ZC3H12B: variants seen among roughly 807,000 people sequenced by gnomAD.
The protein encoded by ZC3H12B is zinc finger CCCH-type containing 12B.
ZC3H12B carries 7 observed loss-of-function variants against 43.9 expected under a neutral mutation model. The ratio of observed to expected loss-of-function variants is 0.16; its 90% CI spans 0.09 to 0.30. The LOEUF is 0.30. Among genes scored for constraint, ZC3H12B ranks in the 10% least tolerant of loss-of-function variants. The pLI is 1.00. For synonymous variants in ZC3H12B, 222 were observed against 241.7 expected (o/e 0.92, Z 0.76); for missense variants, 475 against 670.2 (o/e 0.71, Z 3.22).
intron 3 of ZC3H12B, among the ~76,000 whole-genome samples, chrX:65,478,294 C>A: frequency 8.9e-6 from 1 of 112,300 alleles, no homozygotes; most frequent in South Asian, 3.7e-4. Flanking sequence ...CCACCTCAGC[C>A]TCTTGAGTAG....
At chrX:65,263,614 G>A in the ZC3H12B span, among the ~76,000 whole-genome samples, 1 of 111,115 alleles carries the variant, frequency 9.0e-6, no homozygotes, top group Admixed American at 9.6e-5. Context: ...ATATAAGATA[G>A]TAATATCAGA....
At chrX:65,054,798 T>A in the ZC3H12B span, among the ~76,000 whole-genome samples, 1 of 111,623 alleles carries the variant, frequency 9.0e-6, no homozygotes, top group Non-Finnish European at 1.9e-5. Context: ...GAAGAAGTCC[T>A]TCACATCCCT....
chrX:65,433,936 T>C (rs2067191375), intron 3 of ZC3H12B, among the ~76,000 whole-genome samples: 1 of 111,800 alleles, frequency 8.9e-6, no homozygotes, highest in South Asian at 3.8e-4. Flanking sequence ...ATGGAAGTTT[T>C]CTCCTCGTAT....
the ZC3H12B span, among the ~76,000 whole-genome samples, chrX:65,278,343 A>G: frequency 5.4e-5 from 6 of 111,267 alleles, no homozygotes; most frequent in Admixed American, 4.7e-4. Flanking sequence ...GTTACCCTAT[A>G]TGGTCTAAAA....
the ZC3H12B span, among the ~76,000 whole-genome samples, chrX:65,231,279 G>T: frequency 9.0e-6 from 1 of 111,131 alleles, no homozygotes; most frequent in Non-Finnish European, 1.9e-5. Flanking sequence ...AAGGCAAAGG[G>T]TAGAGCAAGA....
At chrX:65,279,142 A>G in the ZC3H12B span, among the ~76,000 whole-genome samples, 4 of 110,745 alleles carry the variant, frequency 3.6e-5, no homozygotes, top group South Asian at 3.8e-4. Flanking sequence ...ATTCATCTGC[A>G]TATATACTCA....
At chrX:65,337,518 TC>T in the ZC3H12B span, among the ~76,000 whole-genome samples, 1 of 112,647 alleles carries the variant, frequency 8.9e-6, no homozygotes, top group African/African-American at 3.2e-5. Flanking sequence ...TTCAAATGTT[TC>T]CATTACTAAA....
At chrX:65,491,031 C>T (rs939273934) in intron 1 of ZC3H12B, among the ~76,000 whole-genome samples, 2 of 111,309 alleles carry the variant, frequency 1.8e-5, no homozygotes, top group South Asian at 7.6e-4. Flanking sequence ...CTGTTTAATC[C>T]TCACAGCAAC....
the ZC3H12B span, among the ~76,000 whole-genome samples, chrX:65,126,947 C>T: frequency 9.1e-6 from 1 of 110,019 alleles, no homozygotes; most frequent in South Asian, 3.8e-4. Context: ...TCACCTTTTT[C>T]TGGTGTTTTC....
intron 3 of ZC3H12B, among the ~76,000 whole-genome samples, chrX:65,400,993 G>A (rs1434031792): frequency 9.1e-6 from 1 of 109,557 alleles, no homozygotes; most frequent in Non-Finnish European, 1.9e-5. Flanking sequence ...ATTACAAAAG[G>A]CATTTTCAGA....
the ZC3H12B span, among the ~76,000 whole-genome samples, chrX:65,280,834 G>T: frequency 9.0e-6 from 1 of 111,601 alleles, no homozygotes; most frequent in African/African-American, 3.3e-5. Flanking sequence ...AACCAAGGAG[G>T]TGAAAGACTA....
chrX:65,040,366 T>C, the ZC3H12B span, among the ~76,000 whole-genome samples: 1 of 105,631 alleles, frequency 9.5e-6, no homozygotes, highest in Non-Finnish European at 1.9e-5. Flanking sequence ...AGGACTATCA[T>C]TAACTGTTTT....
At chrX:65,321,461 G>T in the ZC3H12B span, among the ~76,000 whole-genome samples, 1 of 111,707 alleles carries the variant, frequency 9.0e-6, no homozygotes, top group African/African-American at 3.2e-5. Flanking sequence ...GTGAGTGTAC[G>T]TGAGTTCAGC....
At chrX:65,059,577 G>A in the ZC3H12B span, among the ~76,000 whole-genome samples, 3 of 111,003 alleles carry the variant, frequency 2.7e-5, no homozygotes, top group Non-Finnish European at 5.7e-5. Flanking sequence ...CCATTGGTCT[G>A]TGTGTCTGTT....
the ZC3H12B span, among the ~76,000 whole-genome samples, chrX:65,297,152 A>G: frequency 9.0e-6 from 1 of 111,661 alleles, no homozygotes; most frequent in African/African-American, 3.2e-5. Flanking sequence ...AGCCAGAGCA[A>G]TCAGACAAGA....
At chrX:65,078,208 G>T in the ZC3H12B span, among the ~76,000 whole-genome samples, 9 of 112,165 alleles carry the variant, frequency 8.0e-5, no homozygotes, top group Non-Finnish European at 1.7e-4. Flanking sequence ...AGATATGTGA[G>T]TGATAATGTC....
the ZC3H12B span, among the ~76,000 whole-genome samples, chrX:65,355,846 T>C: frequency 9.0e-6 from 1 of 110,739 alleles, no homozygotes; most frequent in Non-Finnish European, 1.9e-5. Flanking sequence ...TCCCAGCTAC[T>C]TGGGAGACTG....
the ZC3H12B span, among the ~76,000 whole-genome samples, chrX:65,189,641 GTTGT>G: frequency 5.9e-5 from 6 of 102,291 alleles, no homozygotes; most frequent in African/African-American, 1.1e-4. Flanking sequence ...TTTTGATGGG[GTTGT>G]TTGTTTTTTT....
At chrX:65,340,658 A>G in the ZC3H12B span, among the ~76,000 whole-genome samples, 23 of 111,867 alleles carry the variant, frequency 2.1e-4, no homozygotes, top group African/African-American at 7.5e-4. Context: ...TTATATCACA[A>G]TCACACCCTC....
Sources: gnomAD v4.1 joint callset for allele counts (sites outside exome capture counted in the v4.1 genomes callset) on GRCh38, gnomAD v4.1.1 for gene constraint, MANE v1.5 for transcripts, NCBI Gene and HGNC (gene_info 2026-07-23, HGNC 2026-07-21) for gene names.